Variants in SDK2 observed in about 807,000 individuals in gnomAD.
SDK2 encodes sidekick cell adhesion molecule 2, also known as protein sidekick-2.
In SDK2, 105 loss-of-function variants were observed where a neutral mutation model predicts 253.9. The ratio of observed to expected loss-of-function variants is 0.41; its 90% CI spans 0.35 to 0.49. SDK2 has a LOEUF of 0.49. Among genes scored for constraint, SDK2 ranks in the 20% least tolerant of loss-of-function variants. The pLI, the probability that SDK2 is intolerant of heterozygous loss-of-function variation, is 0.06. For synonymous variants in SDK2, 1,249 were observed against 1,234.9 expected (o/e 1.01, Z -0.24); for missense variants, 2,608 against 3,003.0 (o/e 0.87, Z 3.07).
chr17:73,455,995 A>G lies in SDK2; in HGVS notation c.390T>C (p.Ala130=). The G allele has an allele frequency of 6.5e-7, 1 of 1,545,644 alleles. No homozygotes were observed. The highest frequency in any genetic ancestry group is 8.7e-7 in the Non-Finnish European group (1 of 1,144,056). The change falls in exon 4 of 45, where the codon GCT becomes GCC. Residue 130 remains alanine, a synonymous_variant. Coordinates refer to ENST00000392650, the MANE Select transcript of SDK2 (RefSeq NM_001144952.2). This position sits in a 1 kb window ranked among gnomAD's most constrained non-coding sequence, Gnocchi z 5.0. ...KHQSVSHGEA[A]VIRAPRIASF... is the part of the protein sequence containing the mutation. ...TGGCGATGCGCGGGGCACGGATGAC[A>G]GCTGCTTCTCCGTGGGAGACGCTCT...
chr17:73,422,737 T>C (rs752653915), intron 14 of SDK2, among the ~76,000 whole-genome samples: 10 of 152,050 alleles, frequency 6.6e-5, no homozygotes, highest in Non-Finnish European at 1.5e-4. Flanking sequence ...AAAATGCCAT[T>C]CAGGCTGGGT....
intron 1 of SDK2, among the ~76,000 whole-genome samples, chr17:73,524,226 G>A (rs999141872): frequency 6.6e-6 from 1 of 152,150 alleles, no homozygotes; most frequent in East Asian, 1.9e-4. Flanking sequence ...GGGACCCTCG[G>A]GCAGCAGGAT....
rs1229974712 is a variant in SDK2, at chr17:73,338,333, C to T, written c.*254G>A. 2 of 639,928 alleles carry T rather than the reference C, an allele frequency of 3.1e-6. No individual in the cohort carries two copies. The highest frequency in any genetic ancestry group is 2.1e-5 in the Admixed American group (1 of 47,898). The allele number at this position is 639,928 out of a possible 1,614,324, so 39.6% of individuals were successfully genotyped here. On this transcript the variant is annotated 3_prime_UTR_variant, in exon 45 of 45. Coordinates refer to ENST00000392650, the MANE Select transcript of SDK2 (RefSeq NM_001144952.2). This position sits in a 1 kb window ranked among gnomAD's most constrained non-coding sequence, Gnocchi z 5.0. Reference sequence around the variant, plus strand: ...AGTGACACAGCCACTTCCCCAGCTCCGTGTAATTCCCAAGGGAGCAGTGAA... The same window carrying T: ...AGTGACACAGCCACTTCCCCAGCTCTGTGTAATTCCCAAGGGAGCAGTGAA...
intron 12 of SDK2, among the ~76,000 whole-genome samples, 162 bp downstream of exon 12, chr17:73,430,349 C>T (rs1049156267): frequency 2.6e-5 from 4 of 152,164 alleles, no homozygotes; most frequent in Non-Finnish European, 4.4e-5. Context: ...ATTTCATACC[C>T]CCTACCTCTC....
chr17:73,492,691 G>A (rs754582908), intron 2 of SDK2, among the ~76,000 whole-genome samples: 1 of 152,136 alleles, frequency 6.6e-6, no homozygotes, highest in Non-Finnish European at 1.5e-5. Flanking sequence ...GAGAAGACTG[G>A]ACTGGTAAGT....
chr17:73,553,884 G>A (rs2045102964), intron 1 of SDK2, among the ~76,000 whole-genome samples: 2 of 152,060 alleles, frequency 1.3e-5, no homozygotes, highest in Non-Finnish European at 2.9e-5. Context: ...TATAAATCTG[G>A]CCTGCAGAAG....
chr17:73,476,635 A>G (rs551194394), intron 2 of SDK2, among the ~76,000 whole-genome samples: 1 of 152,078 alleles, frequency 6.6e-6, no homozygotes, highest in Non-Finnish European at 1.5e-5. Flanking sequence ...TTTATTTTTT[A>G]GAGACAGGGT....
chr17:73,592,705 A>G (rs1055392169), intron 1 of SDK2, among the ~76,000 whole-genome samples: 3 of 152,226 alleles, frequency 2.0e-5, no homozygotes, highest in Non-Finnish European at 2.9e-5. Flanking sequence ...GAGGATGCTC[A>G]GATGACGGGA....
intron 1 of SDK2, among the ~76,000 whole-genome samples, chr17:73,589,850 G>A (rs2045658073): frequency 6.6e-6 from 1 of 152,272 alleles, no homozygotes; most frequent in Non-Finnish European, 1.5e-5. Flanking sequence ...GGTGCTGAGT[G>A]CCATTAGCAC....
intron 27 of SDK2, among the ~76,000 whole-genome samples, chr17:73,392,325 A>G (rs897681388): frequency 5.9e-5 from 9 of 151,418 alleles, no homozygotes; most frequent in African/African-American, 2.2e-4. Context: ...GCTGGAGTGC[A>G]GTGGCGTAAT....
At chr17:73,451,708 G>A (rs1218027526) in intron 4 of SDK2, among the ~76,000 whole-genome samples, 1 of 152,060 alleles carries the variant, frequency 6.6e-6, no homozygotes, top group African/African-American at 2.4e-5. Context: ...CCCTCTCTGC[G>A]ACCCCCAAAG....
rs1263985801 is a variant in SDK2 at position 73,490,714 on chromosome 17, C to T, written c.224+16724G>A. On this transcript the variant is annotated intron_variant, in intron 2 of 44. Coordinates refer to ENST00000392650, the MANE Select transcript of SDK2 (RefSeq NM_001144952.2). ...ATTATTATTATTATGTTTTAAGAGA[C>T]AGGGTCTTGCCATGTTGTCCATGCT... 2.0e-5 allele frequency among the ~76,000 whole-genome samples: 3 copies of T among 151,780 alleles called. No individual in the cohort carries two copies. In the East Asian group the frequency reaches 5.8e-4, roughly 29 times the overall value.
intron 26 of SDK2, 76 bp from the exon 27 acceptor site, chr17:73,393,825 C>T: frequency 8.5e-7 from 1 of 1,175,722 alleles, no homozygotes; most frequent in East Asian, 2.6e-5. Context: ...GTCTCATCCC[C>T]AGGATGAGCA....
chr17:73,518,629 A>G (rs1419471001), intron 1 of SDK2: 1 of 152,184 alleles, frequency 6.6e-6, no homozygotes, highest in Non-Finnish European at 1.5e-5. Context: ...TCTTTCTTAC[A>G]TTTCCCTTGG....
chr17:73,367,253 C>T (rs1014380447), intron 37 of SDK2, among the ~76,000 whole-genome samples: 1 of 152,092 alleles, frequency 6.6e-6, no homozygotes, highest in African/African-American at 2.4e-5. Flanking sequence ...AAATGATCCA[C>T]CCACCTCGGC....
chr17:73,339,757 A>G (rs2062418492), intron 44 of SDK2, among the ~76,000 whole-genome samples: 1 of 151,570 alleles, frequency 6.6e-6, no homozygotes, highest in African/African-American at 2.4e-5. Flanking sequence ...AGCTCTCCTT[A>G]TGTTGCCCAG....
intron 1 of SDK2, among the ~76,000 whole-genome samples, chr17:73,515,197 G>A (rs1872080): frequency 0.72 from 108,872 of 152,062 alleles, 39,142 homozygotes; most frequent in Middle Eastern, 0.74. Flanking sequence ...ATAGACATAA[G>A]CCAAGATCTG....
intron 6 of SDK2, among the ~76,000 whole-genome samples, chr17:73,440,090 TA>T (rs1408598874): frequency 2.0e-5 from 3 of 150,140 alleles, no homozygotes; most frequent in African/African-American, 7.3e-5. Context: ...TGATCTGCCC[TA>T]CTCCAAAGCC....
intron 1 of SDK2, among the ~76,000 whole-genome samples, chr17:73,632,208 G>T (rs1364953041): frequency 6.6e-6 from 1 of 152,224 alleles, no homozygotes; most frequent in South Asian, 2.1e-4. Context: ...TGGTTCTTGG[G>T]TGTGTCTATG....
Sources: gnomAD v4.1 joint callset for allele counts (sites outside exome capture counted in the v4.1 genomes callset) on GRCh38, gnomAD v4.1.1 for gene constraint, Gnocchi (gnomAD v3.1) non-coding constraint, MANE v1.5 for transcripts, NCBI Gene and HGNC (gene_info 2026-07-23, HGNC 2026-07-21) for gene names.